Variants in NUP210 observed in about 807,000 individuals in gnomAD.
The protein encoded by NUP210 is nuclear pore membrane glycoprotein 210.
Under a neutral mutation model 196.0 loss-of-function variants are expected in NUP210, and 151 were observed. The observed-to-expected ratio is 0.77, with a 90% CI of 0.67 to 0.88. The LOEUF (loss-of-function observed/expected upper bound fraction) is 0.88. Among genes scored for constraint, NUP210 ranks in the 40% least tolerant of loss-of-function variants. NUP210 has a pLI of 0.00. For missense variants in NUP210, 2,314 were observed against 2,493.7 expected, an observed-to-expected ratio of 0.93 and a Z score of 1.53; for synonymous variants, 1,070 against 1,052.7, an observed-to-expected ratio of 1.02 and a Z score of -0.32.
intron 1 of NUP210, among the ~76,000 whole-genome samples, chr3:13,405,525 GGC>G (rs1175443143): frequency 6.6e-6 from 1 of 151,670 alleles, no homozygotes; most frequent in Non-Finnish European, 1.5e-5. Flanking sequence ...TATATATATA[GGC>G]TATATATATA....
intron 13 of NUP210, among the ~76,000 whole-genome samples, chr3:13,367,022 A>G (rs1000642140): frequency 2.6e-5 from 4 of 151,988 alleles, no homozygotes; most frequent in African/African-American, 9.7e-5. Flanking sequence ...GCTACTCCGG[A>G]GGCTGAGACG....
chr3:13,418,719 C>A (rs1253916670), intron 1 of NUP210, among the ~76,000 whole-genome samples: 1 of 151,624 alleles, frequency 6.6e-6, no homozygotes, highest in African/African-American at 2.4e-5. Flanking sequence ...ACCGGGGAGG[C>A]GGAAGTTGCA....
At chr3:13,360,633 G>T in intron 14 of NUP210, 142 bp from the exon 15 acceptor site, 3 of 623,868 alleles carry the variant, frequency 4.8e-6, no homozygotes, top group Non-Finnish European at 8.4e-6. Flanking sequence ...ACTCATTCTC[G>T]TCATCTGCAG....
chr3:13,346,285 C>G (rs1056278390), intron 20 of NUP210, among the ~76,000 whole-genome samples: 1 of 152,208 alleles, frequency 6.6e-6, no homozygotes, highest in Non-Finnish European at 1.5e-5. Context: ...TGGCCGCTAG[C>G]TGGTGGCAGA....
intron 29 of NUP210, among the ~76,000 whole-genome samples, chr3:13,331,863 C>T (rs1051046436): frequency 1.1e-4 from 17 of 152,106 alleles, no homozygotes; most frequent in African/African-American, 2.9e-4. Context: ...GCGGCCCCCT[C>T]GCCTGGGGAT....
rs1423357321 is a variant in NUP210 at position 13,340,290 on chromosome 3, G to A, written c.3237C>T (p.Pro1079=). ...CCTTCCTGGGCATCAGCCTGAACGGGGGAAAGACCTGTTGAGAGACACAGG... is the reference window on the plus strand; with the variant it reads ...CCTTCCTGGGCATCAGCCTGAACGGAGGAAAGACCTGTTGAGAGACACAGG... ...NSAPQQIEVF[P]PFRLMPRKVT... Residue 1079 remains proline (P), a synonymous_variant, in exon 24 of 40, where the codon CCC becomes CCT. Transcript: ENST00000254508. This position sits in a 1 kb window ranked among gnomAD's most constrained non-coding sequence, Gnocchi z 4.0. 1.6e-5 allele frequency: 26 copies of A among 1,613,406 alleles called. No individual in the cohort carries two copies. The highest frequency in any genetic ancestry group is 2.2e-5 in the Non-Finnish European group (26 of 1,180,012).
intron 6 of NUP210, among the ~76,000 whole-genome samples, chr3:13,383,336 C>T (rs997433736): frequency 6.6e-6 from 1 of 152,038 alleles, no homozygotes; most frequent in African/African-American, 2.4e-5. Context: ...CATCTCATGA[C>T]ATGATGAAAG....
rs777191665 is a variant in NUP210, at chr3:13,322,281, G to A, written c.4827C>T (p.Ile1609=). The change falls in exon 35 of 40, where the codon ATC becomes ATT. Residue 1609 remains isoleucine (I), a synonymous_variant. Coordinates refer to ENST00000254508, the MANE Select transcript of NUP210 (RefSeq NM_024923.4). ...VIQALHPETL[I]SCQSQFKPAV... The stretch of plus-strand genomic sequence containing the variant: ...CCGGCTTGAACTGGGACTGGCAGCT[G>A]ATGAGGGTCTCTGGGTGCAAGGCCT... 7 of 1,614,256 alleles carry A rather than the reference G, an allele frequency of 4.3e-6. No homozygotes were observed. Among genetic ancestry groups the A allele is most frequent in the Non-Finnish European group, 5.1e-6 (6 of 1,180,036 alleles).
chr3:13,399,900 C>T (rs1231482514), intron 1 of NUP210, 39 bp from the exon 2 acceptor site: 2 of 1,566,876 alleles, frequency 1.3e-6, no homozygotes, highest in East Asian at 2.3e-5. Context: ...TCTGGAGCTG[C>T]ACTGCAAGGC....
rs373501669 is a variant in NUP210 at position 13,358,317 on chromosome 3, C to T, written c.2233G>A (p.Val745Ile). The stretch of plus-strand genomic sequence containing the variant: ...GTGAGCCTGGACGGTGGGGCGCAGA[C>T]GAACTTCACCACGGCAGGCTCCACC... Reference protein sequence around the residue: ...PAVEPAVVKFVCAPPSRLTLA... With the variant: ...PAVEPAVVKFICAPPSRLTLA... The change falls in exon 16 of 40, where the codon GTC (valine) becomes ATC (isoleucine). Residue 745 changes from valine to isoleucine, a missense_variant. Physicochemically the swap from Val to Ile is conservative, Grantham distance 29. Coordinates refer to ENST00000254508, the MANE Select transcript of NUP210 (RefSeq NM_024923.4). The T allele has an allele frequency of 5.3e-5, 86 of 1,613,874 alleles. No individual in the cohort carries two copies. In the African/African-American group the frequency reaches 8.3e-4, roughly 16 times the overall value.
chr3:13,330,532 G>C lies in NUP210; in HGVS notation c.4038C>G (p.Ile1346Met). 6.2e-7 allele frequency: 1 copy of C among 1,614,198 alleles called. No individual in the cohort carries two copies. The highest frequency in any genetic ancestry group is 8.5e-7 in the Non-Finnish European group (1 of 1,180,026). Reference sequence around the variant, plus strand: ...CAATCACTTCGATGGTGGATGTCCCGATCATAGACCCTGATGCTAGAAAGC... The same window carrying C: ...CAATCACTTCGATGGTGGATGTCCCCATCATAGACCCTGATGCTAGAAAGC... ...EKGFLASGSM[I>M]GTSTIEVIAQ... is the part of the protein sequence containing the mutation. Residue 1346 changes from isoleucine (I) to methionine (M), a missense_variant, in exon 30 of 40, where the codon ATC (isoleucine) becomes ATG (methionine). By Grantham distance (10) the Ile-to-Met change is conservative. Transcript: ENST00000254508.
At chr3:13,411,774 CT>C (rs1700181420) in intron 1 of NUP210, among the ~76,000 whole-genome samples, 1 of 152,206 alleles carries the variant, frequency 6.6e-6, no homozygotes, top group African/African-American at 2.4e-5. Context: ...CAGTTTCACT[CT>C]TATCACCCAG....
rs1697798163 is a variant in NUP210 at position 13,347,640 on chromosome 3, A to G, written c.2835+4239T>C. 6.6e-6 allele frequency among the ~76,000 whole-genome samples: 1 copy of G among 152,170 alleles called. No individual in the cohort carries two copies. The highest frequency in any genetic ancestry group is 1.5e-5 in the Non-Finnish European group (1 of 68,020). On this transcript the variant is annotated intron_variant, in intron 20 of 39. Transcript: ENST00000254508. This position sits in a 1 kb window ranked among gnomAD's most constrained non-coding sequence, Gnocchi z 4.7. ...CCCGCAAGCCATCCTTCCGTGCTGA[A>G]TATGTATCAACAGGAAGGAAAGAAA... is the stretch of plus-strand genomic sequence containing the variant.
chr3:13,336,705 G>A, intron 27 of NUP210, 82 bp downstream of exon 27: 1 of 1,471,956 alleles, frequency 6.8e-7, no homozygotes, highest in African/African-American at 1.4e-5. Context: ...GTGGGACAAT[G>A]TGGCAGGAAC....
intron 14 of NUP210, among the ~76,000 whole-genome samples, chr3:13,363,891 C>T (rs756550307): frequency 6.6e-6 from 1 of 152,170 alleles, no homozygotes; most frequent in Non-Finnish European, 1.5e-5. Context: ...CCCTGATAAT[C>T]CAGAGCCAGG....
At chr3:13,355,229 C>T (rs1229895959) in intron 16 of NUP210, among the ~76,000 whole-genome samples, 7 of 152,134 alleles carry the variant, frequency 4.6e-5, no homozygotes, top group Admixed American at 1.3e-4. Flanking sequence ...GTTTTCCATT[C>T]GGGGAGAGGG....
Position 13,339,769 on chromosome 3 carries a change from T to C in NUP210, c.3471+85A>G, listed in dbSNP as rs1301725561. The stretch of plus-strand genomic sequence containing the variant: ...CAGAAGCAGCACCCTTGGAGAGGGG[T>C]GGTCCTCAGAGGTAGAACTCAAACA... On this transcript the variant is annotated intron_variant, in intron 25 of 39. Transcript: ENST00000254508. 4.1e-6 allele frequency: 5 copies of C among 1,232,348 alleles called. No individual in the cohort carries two copies. The East Asian group carries it at 7.0e-5, about 17-fold the overall frequency. 76.3% of individuals were successfully genotyped at this position (1,232,348 alleles called of 1,614,324 possible). A position where few individuals can be genotyped will look rare whatever the true frequency, so the allele number is the denominator to read the frequency against.
chr3:13,366,001 T>A lies in NUP210; in HGVS notation c.1877A>T (p.His626Leu). ...CTTGGCACTCAGGTGGACGTGGCCG[T>A]GTCTGTAGCTCACAAGAAGCGTGGT... ...GSTTLLVSYR[H>L]GHVHLSAKIT... Residue 626 changes from histidine (H) to leucine (L), a missense_variant, in exon 14 of 40, where the codon CAC (histidine) becomes CTC (leucine). Transcript: ENST00000254508. 6.2e-7 allele frequency: 1 copy of A among 1,614,224 alleles called. No individual in the cohort carries two copies. Among genetic ancestry groups the A allele is most frequent in the Non-Finnish European group, 8.5e-7 (1 of 1,180,042 alleles).
intron 2 of NUP210, among the ~76,000 whole-genome samples, chr3:13,399,319 T>C (rs1428157790): frequency 2.0e-5 from 3 of 149,090 alleles, no homozygotes; most frequent in Non-Finnish European, 4.5e-5. Context: ...ACATGTCCTA[T>C]AATCTAAGTA....
Sources: gnomAD v4.1 joint callset for allele counts (sites outside exome capture counted in the v4.1 genomes callset) on GRCh38, gnomAD v4.1.1 for gene constraint, Gnocchi (gnomAD v3.1) non-coding constraint, MANE v1.5 for transcripts, NCBI Gene and HGNC (gene_info 2026-07-23, HGNC 2026-07-21) for gene names.